Variants in LRRC8D observed in about 807,000 individuals in gnomAD.
The protein encoded by LRRC8D is volume-regulated anion channel subunit LRRC8D.
Under a neutral mutation model 55.8 loss-of-function variants are expected in LRRC8D, and 20 were observed. The ratio of observed to expected loss-of-function variants is 0.36; its 90% CI spans 0.25 to 0.52. The LOEUF (loss-of-function observed/expected upper bound fraction) is 0.52, where lower values mean the gene tolerates loss of function less well. LRRC8D is among the 20% of genes least tolerant of loss of function. LRRC8D has a pLI of 0.93. For synonymous variants in LRRC8D, 352 were observed against 377.0 expected, an observed-to-expected ratio of 0.93 and a Z score of 0.77; for missense variants, 651 against 1,030.8, an observed-to-expected ratio of 0.63 and a Z score of 5.05.
chr1:89,897,630 T>G (rs1454857088), intron 2 of LRRC8D, among the ~76,000 whole-genome samples: 1 of 152,212 alleles, frequency 6.6e-6, no homozygotes, highest in Non-Finnish European at 1.5e-5. Flanking sequence ...CTGCTTGTGA[T>G]TGTGGATAAC....
At chr1:89,848,945 G>A (rs1284615975) in intron 2 of LRRC8D, among the ~76,000 whole-genome samples, 6 of 152,016 alleles carry the variant, frequency 3.9e-5, no homozygotes, top group East Asian at 3.9e-4. Context: ...TGATCTGCCC[G>A]CCTCTGCCTC....
intron 2 of LRRC8D, among the ~76,000 whole-genome samples, chr1:89,852,577 A>G (rs971455349): frequency 5.3e-5 from 8 of 152,214 alleles, no homozygotes; most frequent in African/African-American, 1.9e-4. Flanking sequence ...TAAACCACTA[A>G]CTGGAACTTA....
At chr1:89,839,375 A>G (rs911040154) in intron 1 of LRRC8D, among the ~76,000 whole-genome samples, 1 of 152,124 alleles carries the variant, frequency 6.6e-6, no homozygotes, top group Non-Finnish European at 1.5e-5. Flanking sequence ...GCCTGTAGCC[A>G]CCCTGGCCCT....
chr1:89,870,492 A>T (rs1482973664), intron 2 of LRRC8D, among the ~76,000 whole-genome samples: 4 of 152,120 alleles, frequency 2.6e-5, no homozygotes, highest in Non-Finnish European at 4.4e-5. Context: ...AAAAAGAAGA[A>T]GATAGAAACT....
At chr1:89,922,528 T>C (rs1347408360) in intron 2 of LRRC8D, among the ~76,000 whole-genome samples, 1 of 152,204 alleles carries the variant, frequency 6.6e-6, no homozygotes, top group African/African-American at 2.4e-5. Context: ...AAGACAGACT[T>C]TTCTCCTCAA....
In LRRC8D at chr1:89,911,098, C is replaced by T. The variant is rs1029394009; in HGVS notation, c.-2-21969C>T. Among the ~76,000 whole-genome samples the T allele has an allele frequency of 2.6e-5, 4 of 151,890 alleles. No individual in the cohort carries two copies. Among genetic ancestry groups the T allele is most frequent in the Admixed American group, 1.3e-4 (2 of 15,248 alleles). ...GCTTGACCTTCCCAGGGAGTTTCAG[C>T]GGGTGAGAAAGCCTGACACTGCTTG... On this transcript the variant is annotated intron_variant, in intron 2 of 2. Coordinates refer to ENST00000337338, the MANE Select transcript of LRRC8D (RefSeq NM_001134479.2). The surrounding 1 kb of genome is among the most constrained non-coding windows in gnomAD (Gnocchi z 4.0).
chr1:89,895,538 T>C (rs552796013), intron 2 of LRRC8D, among the ~76,000 whole-genome samples: 1 of 133,578 alleles, frequency 7.5e-6, no homozygotes, highest in South Asian at 2.3e-4. Flanking sequence ...AATGTTGCTT[T>C]TAAAGATGTA....
At chr1:89,835,920 G>A (rs1042499106) in intron 1 of LRRC8D, among the ~76,000 whole-genome samples, 8 of 152,236 alleles carry the variant, frequency 5.3e-5, no homozygotes, top group East Asian at 1.9e-4. Context: ...ATGATTGAGA[G>A]TAGTAAGGGT....
At chr1:89,849,290 C>A (rs192183046) in intron 2 of LRRC8D, among the ~76,000 whole-genome samples, 158 of 152,156 alleles carry the variant, frequency 1.0e-3, no homozygotes, top group Non-Finnish European at 1.8e-3. Flanking sequence ...TTTTGGCTTC[C>A]ATGTAGTATG....
intron 2 of LRRC8D, among the ~76,000 whole-genome samples, chr1:89,893,808 T>G (rs1395057896): frequency 6.6e-6 from 1 of 151,636 alleles, no homozygotes; most frequent in Non-Finnish European, 1.5e-5. Flanking sequence ...AACTAAAGAG[T>G]TTTTTAGATG....
chr1:89,927,825 GA>G (rs1474314297), intron 2 of LRRC8D, among the ~76,000 whole-genome samples: 2 of 152,150 alleles, frequency 1.3e-5, no homozygotes, highest in African/African-American at 4.8e-5. Context: ...TCATTTTCAG[GA>G]ATGTGCTCTC....
Position 89,843,740 on chromosome 1 carries a change from C to A in LRRC8D, c.-45C>A, listed in dbSNP as rs1176160400. 7.1e-6 allele frequency: 5 copies of A among 701,438 alleles called. No homozygotes were observed. Among genetic ancestry groups the A allele is most frequent in the Non-Finnish European group, 1.0e-5 (4 of 384,354 alleles). The allele number at this position is 701,438 out of a possible 1,614,324, so 43.5% of individuals were successfully genotyped here. ...CTCCGGAGCTCGCCCAAGCCGCGTC[C>A]CCAGAGAGCGCCCTGAGAGAACAGG... On this transcript the variant is annotated 5_prime_UTR_variant, in exon 2 of 3. Coordinates refer to ENST00000337338, the MANE Select transcript of LRRC8D (RefSeq NM_001134479.2).
chr1:89,881,922 G>A (rs373060824), intron 2 of LRRC8D, among the ~76,000 whole-genome samples: 15 of 152,286 alleles, frequency 9.8e-5, no homozygotes, highest in South Asian at 4.1e-4. Flanking sequence ...TTAACTCTGC[G>A]AGCTGTTCAT....
chr1:89,857,207 AC>A (rs1435759146), intron 2 of LRRC8D, among the ~76,000 whole-genome samples: 1 of 151,744 alleles, frequency 6.6e-6, no homozygotes, highest in African/African-American at 2.4e-5. Flanking sequence ...ACATGGAGAA[AC>A]CCCGTCTCTA....
chr1:89,906,902 C>T (rs536448811), intron 2 of LRRC8D, among the ~76,000 whole-genome samples: 1 of 152,104 alleles, frequency 6.6e-6, no homozygotes, highest in East Asian at 1.9e-4. Flanking sequence ...TCCAACCTGT[C>T]AACGGCTATT....
chr1:89,893,451 A>G (rs1662628850), intron 2 of LRRC8D, among the ~76,000 whole-genome samples: 1 of 152,148 alleles, frequency 6.6e-6, no homozygotes, highest in Non-Finnish European at 1.5e-5. Flanking sequence ...TTTAACTAGG[A>G]AAAAAAAGGT....
chr1:89,837,433 C>G (rs777302013), intron 1 of LRRC8D, among the ~76,000 whole-genome samples: 6 of 152,176 alleles, frequency 3.9e-5, no homozygotes, highest in Non-Finnish European at 8.8e-5. Flanking sequence ...CATGAACTTT[C>G]ACACAAGGGA....
intron 2 of LRRC8D, among the ~76,000 whole-genome samples, chr1:89,879,151 A>G (rs1246454952): frequency 6.6e-6 from 1 of 152,094 alleles, no homozygotes; most frequent in East Asian, 1.9e-4. Flanking sequence ...ACTCTTATCT[A>G]CAGCCGTTGA....
chr1:89,927,341 A>T (rs1570896645), intron 2 of LRRC8D, among the ~76,000 whole-genome samples: 1 of 152,182 alleles, frequency 6.6e-6, no homozygotes, highest in East Asian at 1.9e-4. Flanking sequence ...GAGTGTACAG[A>T]TCACATTTTA....
Sources: allele counts gnomAD v4.1 joint callset (sites outside exome capture counted in the v4.1 genomes callset), GRCh38; gene constraint gnomAD v4.1.1; non-coding constraint Gnocchi (gnomAD v3.1); transcripts MANE v1.5; gene names NCBI Gene and HGNC (gene_info 2026-07-23, HGNC 2026-07-21).